NRXN3: variants seen among roughly 807,000 people sequenced by gnomAD.
NRXN3 encodes the protein neurexin III.
NRXN3 carries 32 observed loss-of-function variants against 137.6 expected under a neutral mutation model. The observed-to-expected ratio is 0.23, with a 90% CI of 0.18 to 0.31. The LOEUF is 0.31. NRXN3 is among the 10% of genes least tolerant of loss of function. The pLI, the probability that NRXN3 is intolerant of heterozygous loss-of-function variation, is 1.00. For synonymous variants in NRXN3, 798 were observed against 784.5 expected, an observed-to-expected ratio of 1.02 and a Z score of -0.29; for missense variants, 1,574 against 2,062.5, an observed-to-expected ratio of 0.76 and a Z score of 4.59.
At chr14:78,975,152 A>G (rs1274421642) in intron 14 of NRXN3, among the ~76,000 whole-genome samples, 1 of 152,212 alleles carries the variant, frequency 6.6e-6, no homozygotes, top group Non-Finnish European at 1.5e-5. Context: ...CTAACTTCAA[A>G]GAATTCCACA....
chr14:78,885,039 C>G (rs1159403000), intron 10 of NRXN3, among the ~76,000 whole-genome samples: 2 of 151,602 alleles, frequency 1.3e-5, no homozygotes, highest in East Asian at 3.9e-4. Context: ...CTTTAATAAA[C>G]AGCAATGATC....
chr14:78,885,342 A>T (rs1179315937), intron 10 of NRXN3, among the ~76,000 whole-genome samples: 1 of 151,928 alleles, frequency 6.6e-6, no homozygotes, highest in Non-Finnish European at 1.5e-5. Context: ...CCTACAAAAA[A>T]GGGTAGGGGA....
intron 6 of NRXN3, among the ~76,000 whole-genome samples, chr14:78,655,973 C>A (rs554865893): frequency 5.9e-5 from 9 of 152,080 alleles, no homozygotes; most frequent in Admixed American, 5.2e-4. Flanking sequence ...TTTATAAGGG[C>A]ACCAATCCCA....
At chr14:78,336,215 T>TTTGAC (rs1304713789) in intron 4 of NRXN3, among the ~76,000 whole-genome samples, 1 of 152,172 alleles carries the variant, frequency 6.6e-6, no homozygotes, top group Admixed American at 6.5e-5. Context: ...AATTCCTGTA[T>TTTGAC]TTGACTTGGA....
rs1312407059 is a variant in NRXN3, at chr14:78,938,842, A to ATTTTTTTTTTTTT, written c.2276-18395_2276-18394insTTTTTTTTTTTTT. On this transcript the variant is annotated intron_variant, in intron 10 of 20. Transcript: ENST00000335750. Reference sequence around the variant, plus strand: ...ACTTTATATTTGAAGGTCCAGAGTGATTTTTCTTTTTTTTTTTTTTTTGAG... The same window carrying ATTTTTTTTTTTTT: ...ACTTTATATTTGAAGGTCCAGAGTGATTTTTTTTTTTTTTTTTTCTTTTTTTTTTTTTTTTGAG... Among the ~76,000 whole-genome samples the ATTTTTTTTTTTTT allele has an allele frequency of 1.0e-3, 137 of 134,348 alleles. 2 individuals carry two copies. The highest frequency in any genetic ancestry group is 4.5e-3 in the South Asian group (19 of 4,232). The allele number at this position is 134,348 out of a possible 152,430, so 88.1% of individuals were successfully genotyped here. A position where few individuals can be genotyped will look rare whatever the true frequency, so the allele number is the denominator to read the frequency against.
intron 15 of NRXN3, among the ~76,000 whole-genome samples, chr14:79,397,185 T>A (rs2095050817): frequency 1.3e-5 from 2 of 152,212 alleles, no homozygotes; most frequent in Non-Finnish European, 2.9e-5. Context: ...CAGTTAAGTG[T>A]TAGCCTGAGA....
chr14:79,283,876 A>G (rs1246297758), intron 15 of NRXN3, among the ~76,000 whole-genome samples: 4 of 152,112 alleles, frequency 2.6e-5, no homozygotes, highest in Non-Finnish European at 5.9e-5. Context: ...AAAAGTATAT[A>G]TATATATGCT....
Position 78,172,508 on chromosome 14 carries a change from G to C in NRXN3, c.-704+1834G>C, listed in dbSNP as rs773647662. Among the ~76,000 whole-genome samples, 51 of 152,118 alleles carry C rather than the reference G, an allele frequency of 3.4e-4. 1 individual carries two copies. The highest frequency in any genetic ancestry group is 2.9e-5 in the Non-Finnish European group (2 of 68,006). On this transcript the variant is annotated intron_variant, in intron 1 of 20. Transcript: ENST00000335750. ...GGGCTTAATCTGCCTAAGTCATATGGGGCAAACGATATTTCAGACGGGTGC... is the reference window on the plus strand; with the variant it reads ...GGGCTTAATCTGCCTAAGTCATATGCGGCAAACGATATTTCAGACGGGTGC...
At chr14:79,213,625 TG>T (rs900441550) in intron 15 of NRXN3, among the ~76,000 whole-genome samples, 43 of 138,160 alleles carry the variant, frequency 3.1e-4, no homozygotes, top group South Asian at 1.2e-3. Context: ...CCTTTTTTTT[TG>T]GGGGGGGGTG....
At chr14:78,700,667 ACT>A (rs2098269436) in intron 6 of NRXN3, among the ~76,000 whole-genome samples, 2 of 152,114 alleles carry the variant, frequency 1.3e-5, no homozygotes, top group African/African-American at 4.8e-5. Context: ...AGCTTAGTGG[ACT>A]CTGTGAAAAT....
At chr14:79,564,186 G>C (rs2097527930) in intron 16 of NRXN3, among the ~76,000 whole-genome samples, 1 of 151,378 alleles carries the variant, frequency 6.6e-6, no homozygotes, top group South Asian at 2.1e-4. Flanking sequence ...AAAAAAAGAT[G>C]TTCCTAGGTT....
rs183174447 is a variant in NRXN3 at position 79,008,091 on chromosome 14, A to T, written c.3262+19950A>T. On this transcript the variant is annotated intron_variant, in intron 15 of 20. Coordinates refer to ENST00000335750, the MANE Select transcript of NRXN3 (RefSeq NM_001330195.2). Reference sequence around the variant, plus strand: ...TGTTGTAAACTGTTTAGATATCCACATAAGAAGGGGTTATTCGGTATTTTG... The same window carrying T: ...TGTTGTAAACTGTTTAGATATCCACTTAAGAAGGGGTTATTCGGTATTTTG... 3.9e-3 allele frequency among the ~76,000 whole-genome samples: 595 copies of T among 152,288 alleles called. 2 individuals are homozygous for T. Among genetic ancestry groups the T allele is most frequent in the Non-Finnish European group, 6.3e-3 (430 of 68,030 alleles).
At chr14:79,035,593 A>G (rs1293615968) in intron 15 of NRXN3, among the ~76,000 whole-genome samples, 1 of 151,996 alleles carries the variant, frequency 6.6e-6, no homozygotes, top group African/African-American at 2.4e-5. Context: ...ACTGTACCAT[A>G]TTTCCTTTCT....
intron 16 of NRXN3, among the ~76,000 whole-genome samples, chr14:79,567,228 C>A (rs919425664): frequency 1.3e-5 from 2 of 151,186 alleles, no homozygotes; most frequent in African/African-American, 2.4e-5. Flanking sequence ...TTTAGGCTAG[C>A]TTGTGTTCAA....
At chr14:78,540,020 C>G (rs1483371610) in intron 4 of NRXN3, among the ~76,000 whole-genome samples, 1 of 152,164 alleles carries the variant, frequency 6.6e-6, no homozygotes, top group African/African-American at 2.4e-5. Flanking sequence ...GAGTGCTTTA[C>G]TCCCAATTAT....
At chr14:79,054,523 A>G (rs2099651925) in intron 15 of NRXN3, among the ~76,000 whole-genome samples, 1 of 152,138 alleles carries the variant, frequency 6.6e-6, no homozygotes, top group South Asian at 2.1e-4. Context: ...GTGAAATCTT[A>G]TTTGGGGATT....
chr14:79,663,313 C>T (rs2098543535), intron 16 of NRXN3, among the ~76,000 whole-genome samples: 1 of 151,874 alleles, frequency 6.6e-6, no homozygotes, highest in Admixed American at 6.6e-5. Context: ...GACATTGGCT[C>T]CTAACCATTC....
At chr14:79,154,552 CT>C (rs1211349195) in intron 15 of NRXN3, among the ~76,000 whole-genome samples, 1 of 151,824 alleles carries the variant, frequency 6.6e-6, no homozygotes, top group Non-Finnish European at 1.5e-5. Context: ...TTATGGTAAG[CT>C]TATTCACACA....
chr14:78,881,261 A>T (rs142108113), intron 10 of NRXN3, among the ~76,000 whole-genome samples: 2 of 151,718 alleles, frequency 1.3e-5, no homozygotes, highest in African/African-American at 4.9e-5. Flanking sequence ...GGCACCAGGT[A>T]GTGGGATACT....
Sources: allele counts gnomAD v4.1 joint callset (sites outside exome capture counted in the v4.1 genomes callset), GRCh38; gene constraint gnomAD v4.1.1; transcripts MANE v1.5; gene names NCBI Gene and HGNC (gene_info 2026-07-23, HGNC 2026-07-21).